Variants in NDST3 observed in about 807,000 individuals in gnomAD.
NDST3 encodes the protein N-deacetylase and N-sulfotransferase 3, also known as bifunctional heparan sulfate N-deacetylase/N-sulfotransferase 3.
A neutral mutation model predicts 96.1 loss-of-function variants in NDST3; 58 were observed. That is an observed-to-expected ratio of 0.60 (90% CI 0.49 to 0.75). The LOEUF (loss-of-function observed/expected upper bound fraction) is 0.75, where lower values mean the gene tolerates loss of function less well. Ranked by LOEUF, NDST3 falls within the 30% of genes least tolerant of loss-of-function variation. The probability of loss-of-function intolerance (pLI) is 0.00; values close to 1 mark genes in which losing one functional copy is unlikely to be tolerated. For synonymous variants in NDST3, 333 were observed against 359.7 expected (o/e 0.93, Z 0.84); for missense variants, 788 against 1,034.2 (o/e 0.76, Z 3.27).
intron 2 of NDST3, among the ~76,000 whole-genome samples, chr4:118,062,007 T>C (rs1725934604): frequency 6.6e-6 from 1 of 152,146 alleles, no homozygotes; most frequent in Non-Finnish European, 1.5e-5. Flanking sequence ...TTTGCCTTAT[T>C]TGAATATAAT....
At chr4:118,174,159 C>T (rs1436367922) in intron 6 of NDST3, among the ~76,000 whole-genome samples, 2 of 152,188 alleles carry the variant, frequency 1.3e-5, no homozygotes, top group Non-Finnish European at 2.9e-5. Context: ...AATGGGAATG[C>T]GTCAGAAGCA....
At chr4:118,131,972 G>A (rs751168306) in intron 4 of NDST3, among the ~76,000 whole-genome samples, 9 of 152,018 alleles carry the variant, frequency 5.9e-5, no homozygotes, top group Admixed American at 6.5e-5. Flanking sequence ...ACACCCCTAT[G>A]GCCACTATAA....
intron 2 of NDST3, among the ~76,000 whole-genome samples, chr4:118,078,681 A>G (rs7677274): frequency 0.75 from 113,868 of 151,210 alleles, 45,518 homozygotes; most frequent in South Asian, 0.92. Context: ...CCTGAGAGGC[A>G]GGGGTTGCAG....
At chr4:118,184,465 A>C (rs1338918546) in intron 6 of NDST3, among the ~76,000 whole-genome samples, 1 of 151,690 alleles carries the variant, frequency 6.6e-6, no homozygotes, top group Non-Finnish European at 1.5e-5. Flanking sequence ...TCAAACTGCA[A>C]CTCTTCTCTG....
rs1372960614 is a variant in NDST3 at position 118,251,132 on chromosome 4, T to TA, written c.2400-2367_2400-2366insA. Among the ~76,000 whole-genome samples, 6 of 128,184 alleles carry TA rather than the reference T, an allele frequency of 4.7e-5. 1 individual carries two copies. The highest frequency in any genetic ancestry group is 3.0e-4 in the Admixed American group (4 of 13,406). 84.1% of individuals were successfully genotyped at this position (128,184 alleles called of 152,430 possible). The stretch of plus-strand genomic sequence containing the variant: ...TATTTATTTATTATTTTTATTTTAT[T>TA]TTTTTTTTTTTTGAGACGGAGTCTT... On this transcript the variant is annotated intron_variant, in intron 12 of 13. Coordinates refer to ENST00000296499, the MANE Select transcript of NDST3 (RefSeq NM_004784.3).
chr4:118,076,447 G>T (rs1163405785), intron 2 of NDST3, among the ~76,000 whole-genome samples: 1 of 128,302 alleles, frequency 7.8e-6, no homozygotes. Flanking sequence ...CACAGATGTG[G>T]TCTCTTTACA....
At chr4:118,115,091 C>A in intron 4 of NDST3, 131 bp downstream of exon 4, 1 of 894,272 alleles carries the variant, frequency 1.1e-6, no homozygotes, top group Non-Finnish European at 1.7e-6. Context: ...TTGGTATTGC[C>A]GCCTTTCAGT....
intron 6 of NDST3, chr4:118,194,020 C>A: frequency 7.7e-7 from 1 of 1,302,968 alleles, no homozygotes. Flanking sequence ...ACTCCTTGGT[C>A]TTTTCAAAAC....
intron 5 of NDST3, among the ~76,000 whole-genome samples, chr4:118,141,130 T>G (rs1733540753): frequency 6.6e-6 from 1 of 152,306 alleles, no homozygotes; most frequent in African/African-American, 2.4e-5. Flanking sequence ...GCCAAGATTC[T>G]TGTTGATCAT....
chr4:118,116,090 A>G (rs951051798), intron 4 of NDST3, among the ~76,000 whole-genome samples: 11 of 152,246 alleles, frequency 7.2e-5, no homozygotes, highest in African/African-American at 2.7e-4. Flanking sequence ...AATAAGCAGC[A>G]TGTAAAATTG....
chr4:118,147,879 T>C lies in NDST3; in HGVS notation c.1539+4195T>C, dbSNP rs17049626. 7.2e-3 allele frequency among the ~76,000 whole-genome samples: 1,100 copies of C among 152,316 alleles called. 9 individuals carry two copies. Among genetic ancestry groups the C allele is most frequent in the African/African-American group, 0.025 (1,057 of 41,568 alleles). ...TTTGCTTATGCACTTGTTGAATAAA[T>C]AGACTCCAGGTATTGAGTCATTAAC... is the stretch of plus-strand genomic sequence containing the variant. On this transcript the variant is annotated intron_variant, in intron 6 of 13. Coordinates refer to ENST00000296499, the MANE Select transcript of NDST3 (RefSeq NM_004784.3).
chr4:118,132,468 T>A (rs1451472713), intron 4 of NDST3, among the ~76,000 whole-genome samples: 1 of 152,080 alleles, frequency 6.6e-6, no homozygotes, highest in East Asian at 1.9e-4. Flanking sequence ...CACAGTGGGT[T>A]CCCCTCTGAC....
At chr4:118,184,157 C>T (rs1048395120) in intron 6 of NDST3, among the ~76,000 whole-genome samples, 2 of 152,198 alleles carry the variant, frequency 1.3e-5, no homozygotes, top group African/African-American at 4.8e-5. Context: ...TTTCATTGCA[C>T]ATGGCACTGA....
intron 6 of NDST3, among the ~76,000 whole-genome samples, chr4:118,162,809 A>G (rs1243021044): frequency 2.7e-5 from 4 of 149,674 alleles, no homozygotes; most frequent in African/African-American, 9.8e-5. Context: ...CAGCGTGAAC[A>G]GGCAACCTAC....
At chr4:118,252,729 A>G (rs996884098) in intron 12 of NDST3, among the ~76,000 whole-genome samples, 1 of 152,158 alleles carries the variant, frequency 6.6e-6, no homozygotes, top group Non-Finnish European at 1.5e-5. Context: ...CGTCTCTACT[A>G]AAAATACAAA....
chr4:118,184,602 T>TAC (rs562099266), intron 6 of NDST3, among the ~76,000 whole-genome samples: 15,148 of 138,434 alleles, frequency 0.11, 851 homozygotes, highest in East Asian at 0.15. Flanking sequence ...TCTCTCTCTC[T>TAC]ACACACACAC....
chr4:118,183,957 TC>T (rs1344622831), intron 6 of NDST3, among the ~76,000 whole-genome samples: 1 of 152,152 alleles, frequency 6.6e-6, no homozygotes, highest in Admixed American at 6.5e-5. Flanking sequence ...GGGCACTCAC[TC>T]AAATGCAAAG....
At chr4:118,104,532 T>C (rs933699749) in intron 2 of NDST3, among the ~76,000 whole-genome samples, 4 of 152,198 alleles carry the variant, frequency 2.6e-5, no homozygotes, top group Non-Finnish European at 5.9e-5. Context: ...TACTATGATA[T>C]CTCATTTTGA....
intron 2 of NDST3, among the ~76,000 whole-genome samples, chr4:118,066,082 A>ATTATATATTATATATATAATATATT (rs1726299023): frequency 1.3e-5 from 1 of 78,958 alleles, no homozygotes; most frequent in African/African-American, 4.6e-5. Flanking sequence ...TATATAACAT[A>ATTATATATTATATATATAATATATT]TTATATATTA....
Sources: gnomAD v4.1 joint callset for allele counts (sites outside exome capture counted in the v4.1 genomes callset) on GRCh38, gnomAD v4.1.1 for gene constraint, MANE v1.5 for transcripts, NCBI Gene and HGNC (gene_info 2026-07-23, HGNC 2026-07-21) for gene names.